Variants in PIP4K2A observed in about 807,000 individuals in gnomAD.
PIP4K2A encodes the protein phosphatidylinositol 5-phosphate 4-kinase type-2 alpha.
In PIP4K2A, 14 loss-of-function variants were observed where a neutral mutation model predicts 42.9. The observed-to-expected ratio is 0.33, with a 90% CI of 0.22 to 0.51. The LOEUF (loss-of-function observed/expected upper bound fraction) is 0.51. Ranked by LOEUF, PIP4K2A falls within the 20% of genes least tolerant of loss-of-function variation. PIP4K2A has a pLI of 0.97. For missense variants in PIP4K2A, 434 were observed against 519.8 expected, an observed-to-expected ratio of 0.83 and a Z score of 1.61; for synonymous variants, 192 against 192.2, an observed-to-expected ratio of 1.00 and a Z score of 0.01.
chr10:22,714,097 C>G lies in PIP4K2A; in HGVS notation c.144+86G>C, dbSNP rs1833964945. ...CAGGGCTGACTCCGGCTCCCCGCCC[C>G]GCAGCAGCTGCAGCCGGAGGAGGAG... On this transcript the variant is annotated intron_variant, in intron 1 of 9. Coordinates refer to ENST00000376573, the MANE Select transcript of PIP4K2A (RefSeq NM_005028.5). The G allele has an allele frequency of 3.6e-6, 5 of 1,370,272 alleles. No homozygotes were observed. The Admixed American group carries it at 9.0e-5, about 25-fold the overall frequency. The allele number at this position is 1,370,272 out of a possible 1,614,324, so 84.9% of individuals were successfully genotyped here.
chr10:22,676,576 G>C (rs1241667028), intron 1 of PIP4K2A, among the ~76,000 whole-genome samples: 1 of 152,166 alleles, frequency 6.6e-6, no homozygotes, highest in Non-Finnish European at 1.5e-5. Context: ...CAGCAGAGAG[G>C]AACAAGGGCA....
intron 1 of PIP4K2A, among the ~76,000 whole-genome samples, chr10:22,611,395 C>CA (rs1838034425): frequency 1.7e-5 from 2 of 120,812 alleles, no homozygotes; most frequent in African/African-American, 3.2e-5. Flanking sequence ...GTCTGTTAAA[C>CA]AAAAAACAAA....
intron 3 of PIP4K2A, among the ~76,000 whole-genome samples, chr10:22,602,797 T>C (rs552985563): frequency 6.6e-6 from 1 of 152,270 alleles, no homozygotes; most frequent in Admixed American, 6.5e-5. Context: ...GAGATCCTCC[T>C]GCACTGGCCA....
intron 1 of PIP4K2A, among the ~76,000 whole-genome samples, chr10:22,654,640 T>A (rs2130819134): frequency 6.6e-6 from 1 of 151,862 alleles, no homozygotes; most frequent in South Asian, 2.1e-4. Context: ...AAGTGTGCAT[T>A]CCCAAGAAAG....
intron 1 of PIP4K2A, among the ~76,000 whole-genome samples, chr10:22,616,001 T>G (rs1838170043): frequency 6.6e-6 from 1 of 152,156 alleles, no homozygotes; most frequent in South Asian, 2.1e-4. Flanking sequence ...ATTGCAGGTG[T>G]GGGTCTGCAC....
intron 1 of PIP4K2A, among the ~76,000 whole-genome samples, chr10:22,679,839 G>A (rs1839626244): frequency 1.3e-5 from 2 of 152,262 alleles, no homozygotes; most frequent in South Asian, 2.1e-4. Flanking sequence ...ACAGAGACAG[G>A]AAGCAGATTA....
At chr10:22,546,660 C>G (rs1836264227) in intron 7 of PIP4K2A, among the ~76,000 whole-genome samples, 5 of 152,192 alleles carry the variant, frequency 3.3e-5, no homozygotes, top group Admixed American at 3.3e-4. Context: ...ATCCTCCTGC[C>G]TCAGCCTCCC....
chr10:22,700,185 C>T (rs1462612434), intron 1 of PIP4K2A, among the ~76,000 whole-genome samples: 1 of 152,166 alleles, frequency 6.6e-6, no homozygotes, highest in Non-Finnish European at 1.5e-5. Flanking sequence ...GTGTACTTTG[C>T]ACCTAGCTGC....
intron 1 of PIP4K2A, among the ~76,000 whole-genome samples, chr10:22,657,335 T>C (rs1013182945): frequency 1.3e-5 from 2 of 152,216 alleles, no homozygotes; most frequent in Admixed American, 1.3e-4. Flanking sequence ...CTTAAGATAA[T>C]GAATGACGTT....
chr10:22,616,853 T>G (rs1451689687), intron 1 of PIP4K2A, among the ~76,000 whole-genome samples: 1 of 152,210 alleles, frequency 6.6e-6, no homozygotes, highest in Non-Finnish European at 1.5e-5. Context: ...TCATCTAACA[T>G]TTCTTGTCAT....
intron 1 of PIP4K2A, among the ~76,000 whole-genome samples, chr10:22,636,319 A>C (rs942378898): frequency 1.8e-4 from 27 of 152,138 alleles, no homozygotes; most frequent in African/African-American, 5.3e-4. Context: ...TGGTATGACC[A>C]CAGCTCACTG....
chr10:22,665,428 A>T (rs1404847390), intron 1 of PIP4K2A, among the ~76,000 whole-genome samples: 1 of 152,038 alleles, frequency 6.6e-6, no homozygotes, highest in Non-Finnish European at 1.5e-5. Flanking sequence ...CCACTACTGA[A>T]GGTCATTCAC....
intron 1 of PIP4K2A, among the ~76,000 whole-genome samples, chr10:22,618,973 T>G (rs1838250605): frequency 6.6e-6 from 1 of 152,228 alleles, no homozygotes; most frequent in African/African-American, 2.4e-5. Flanking sequence ...TTTTTCTTAC[T>G]TTTTTCTACT....
intron 1 of PIP4K2A, among the ~76,000 whole-genome samples, chr10:22,634,904 T>C (rs959286509): frequency 6.6e-6 from 1 of 152,126 alleles, no homozygotes; most frequent in Non-Finnish European, 1.5e-5. Context: ...CAAAGAAAAT[T>C]TCCAATTTCT....
chr10:22,642,647 G>C (rs1224610741), intron 1 of PIP4K2A, among the ~76,000 whole-genome samples: 2 of 114,584 alleles, frequency 1.7e-5, no homozygotes, highest in African/African-American at 6.5e-5. Context: ...TTTATAAACA[G>C]ATCTATAATA....
chr10:22,689,561 T>C (rs1839821450), intron 1 of PIP4K2A, among the ~76,000 whole-genome samples: 1 of 146,026 alleles, frequency 6.8e-6, no homozygotes, highest in Non-Finnish European at 1.5e-5. Flanking sequence ...TGCAGGAGGA[T>C]GTGCACAGTA....
chr10:22,594,913 T>A (rs1837598640), intron 3 of PIP4K2A, among the ~76,000 whole-genome samples: 2 of 152,280 alleles, frequency 1.3e-5, no homozygotes, highest in Admixed American at 1.3e-4. Context: ...CTGTCTCAAA[T>A]CACCATTTTA....
intron 1 of PIP4K2A, among the ~76,000 whole-genome samples, chr10:22,709,205 G>T (rs1833871966): frequency 1.3e-5 from 2 of 151,696 alleles, no homozygotes; most frequent in South Asian, 2.1e-4. Context: ...AACTGCATTT[G>T]AACTTTATTA....
At chr10:22,657,008 AG>A (rs904702368) in intron 1 of PIP4K2A, among the ~76,000 whole-genome samples, 2 of 152,180 alleles carry the variant, frequency 1.3e-5, no homozygotes, top group African/African-American at 2.4e-5. Flanking sequence ...CCTGAGCTTG[AG>A]GAAGCCTCTT....
Sources: allele counts gnomAD v4.1 joint callset (sites outside exome capture counted in the v4.1 genomes callset), GRCh38; gene constraint gnomAD v4.1.1; transcripts MANE v1.5; gene names NCBI Gene and HGNC (gene_info 2026-07-23, HGNC 2026-07-21).